Variants in NETO2 observed in about 807,000 individuals in gnomAD.
NETO2 encodes the protein neuropilin and tolloid like 2.
A neutral mutation model predicts 62.5 loss-of-function variants in NETO2; 28 were observed. That is an observed-to-expected ratio of 0.45 (90% CI 0.33 to 0.61). The LOEUF (loss-of-function observed/expected upper bound fraction) is 0.61. Ranked by LOEUF, NETO2 falls within the 20% of genes least tolerant of loss-of-function variation. The pLI, the probability that NETO2 is intolerant of heterozygous loss-of-function variation, is 0.02. For synonymous variants in NETO2, 214 were observed against 219.1 expected (o/e 0.98, Z 0.21); for missense variants, 548 against 643.2 (o/e 0.85, Z 1.60).
rs1409103091 is a variant in NETO2, at chr16:47,086,269, AC to A, written c.953del (p.Gly318ValfsTer50). The A allele has an allele frequency of 6.2e-7, 1 of 1,613,944 alleles. No individual in the cohort carries two copies. Among genetic ancestry groups the A allele is most frequent in the South Asian group, 1.1e-5 (1 of 91,080 alleles). On this transcript the variant is annotated frameshift_variant, in exon 8 of 9. Transcript: ENST00000562435. LOFTEE classifies it high-confidence loss of function. ...CCCAAGGGTATGCACAATTTTGGAC[AC>A]CATTACAGACTAAAGAATTATTGAT... ...MCINNSLVCN[G>X]VQNCAYPWDE...
chr16:47,106,325 T>G (rs1207940450), intron 7 of NETO2, among the ~76,000 whole-genome samples: 1 of 152,188 alleles, frequency 6.6e-6, no homozygotes, highest in African/African-American at 2.4e-5. Context: ...AGGAACTGTT[T>G]CATGGGTATA....
chr16:47,138,481 C>T (rs543430846), intron 1 of NETO2, among the ~76,000 whole-genome samples: 1 of 152,298 alleles, frequency 6.6e-6, no homozygotes, highest in East Asian at 1.9e-4. Context: ...CAACAATTCC[C>T]CTAAGTTGCA....
intron 6 of NETO2, among the ~76,000 whole-genome samples, chr16:47,120,065 T>TA (rs1292517605): frequency 4.0e-5 from 6 of 151,750 alleles, no homozygotes; most frequent in Admixed American, 6.6e-5. Flanking sequence ...TACTAAGAAG[T>TA]AAAAAAAAAT....
At chr16:47,095,646 A>G (rs747705459) in intron 7 of NETO2, among the ~76,000 whole-genome samples, 2 of 152,220 alleles carry the variant, frequency 1.3e-5, no homozygotes, top group Non-Finnish European at 2.9e-5. Context: ...AAAACAAAGG[A>G]GCCCTAAAAT....
intron 1 of NETO2, among the ~76,000 whole-genome samples, chr16:47,137,233 T>C (rs554711409): frequency 6.6e-6 from 1 of 152,310 alleles, no homozygotes; most frequent in South Asian, 2.1e-4. Context: ...TTAATGTGCA[T>C]CATAATCACC....
chr16:47,143,441 G>A lies in NETO2; in HGVS notation c.34+138C>T, dbSNP rs1236517756. The A allele has an allele frequency of 9.4e-6, 10 of 1,066,340 alleles. No individual in the cohort carries two copies. The African/African-American group carries it at 1.7e-4, about 18-fold the overall frequency. 66.1% of individuals were successfully genotyped at this position (1,066,340 alleles called of 1,614,324 possible). ...GGGCTCGCGCCCCGCGGTCCGCTCC[G>A]AGTAGCCGCGAGCCCCGCCAGACAA... On this transcript the variant is annotated intron_variant, in intron 1 of 8. Coordinates refer to ENST00000562435, the MANE Select transcript of NETO2 (RefSeq NM_018092.5).
chr16:47,109,795 G>A (rs1963754353), intron 6 of NETO2, 84 bp from the exon 7 acceptor site: 1 of 934,210 alleles, frequency 1.1e-6, no homozygotes, highest in East Asian at 2.6e-5. Context: ...AGACAACATG[G>A]GACACCGAAT....
At chr16:47,095,732 C>T (rs1963414438) in intron 7 of NETO2, among the ~76,000 whole-genome samples, 1 of 152,078 alleles carries the variant, frequency 6.6e-6, no homozygotes, top group Non-Finnish European at 1.5e-5. Flanking sequence ...TTCAACATTG[C>T]ACTTTCAATA....
At chr16:47,120,677 C>T (rs962583219) in intron 6 of NETO2, among the ~76,000 whole-genome samples, 6 of 152,214 alleles carry the variant, frequency 3.9e-5, no homozygotes. Flanking sequence ...AATGAACACT[C>T]TTAACACTAT....
chr16:47,084,343 A>G (rs974221901), intron 8 of NETO2, among the ~76,000 whole-genome samples: 5 of 152,226 alleles, frequency 3.3e-5, no homozygotes, highest in Admixed American at 1.3e-4. Flanking sequence ...TAAGATATTT[A>G]TTGAACTCTT....
intron 7 of NETO2, 38 bp from the exon 8 acceptor site, chr16:47,086,377 G>A (rs773193729): frequency 7.4e-7 from 1 of 1,353,860 alleles, no homozygotes; most frequent in African/African-American, 1.4e-5. Context: ...AGAGCAGGCA[G>A]ACCACCTGAT....
intron 7 of NETO2, among the ~76,000 whole-genome samples, chr16:47,088,486 T>C (rs1963244937): frequency 6.6e-6 from 1 of 152,224 alleles, no homozygotes; most frequent in Non-Finnish European, 1.5e-5. Context: ...GTACTTTTGA[T>C]TTTCAGAAAA....
intron 1 of NETO2, among the ~76,000 whole-genome samples, chr16:47,133,570 GTAACATAAAATAACA>G (rs1263112544): frequency 1.4e-5 from 2 of 143,336 alleles, no homozygotes; most frequent in African/African-American, 5.2e-5. Flanking sequence ...ATAACATAAA[GTAACATAAAATAACA>G]TAACATAAAA....
chr16:47,123,808 C>T (rs1370556838), intron 4 of NETO2, among the ~76,000 whole-genome samples: 2 of 152,196 alleles, frequency 1.3e-5, no homozygotes, highest in East Asian at 3.9e-4. Flanking sequence ...AGCAATTCTC[C>T]TGCCTCAGCC....
At position 47,143,799 on chromosome 16, in the gene NETO2, C is replaced by T. The variant is rs930447577; in HGVS notation, c.-187G>A. 8.9e-6 allele frequency: 7 copies of T among 786,048 alleles called. No homozygotes were observed. Among genetic ancestry groups the T allele is most frequent in the African/African-American group, 3.6e-5 (2 of 54,940 alleles). The allele number at this position is 786,048 out of a possible 1,614,324, so 48.7% of individuals were successfully genotyped here. Reference sequence around the variant, plus strand: ...ATGCCCGAGCCCCACAGTGGGCTCCCGCGCGGCCCGAGCACCCCGACGGGC... The same window carrying T: ...ATGCCCGAGCCCCACAGTGGGCTCCTGCGCGGCCCGAGCACCCCGACGGGC... On this transcript the variant is annotated 5_prime_UTR_variant, in exon 1 of 9. Coordinates refer to ENST00000562435, the MANE Select transcript of NETO2 (RefSeq NM_018092.5).
chr16:47,107,765 T>C (rs550986510), intron 7 of NETO2, among the ~76,000 whole-genome samples: 19 of 152,172 alleles, frequency 1.2e-4, no homozygotes, highest in Non-Finnish European at 2.5e-4. Context: ...AAAATAGTGT[T>C]AGTATCATAG....
intron 6 of NETO2, among the ~76,000 whole-genome samples, chr16:47,111,347 A>C (rs1413015833): frequency 6.6e-6 from 1 of 152,240 alleles, no homozygotes; most frequent in Non-Finnish European, 1.5e-5. Flanking sequence ...ATAAGGCTAT[A>C]GTAAATGCTC....
chr16:47,133,597 G>GACATA (rs1200031178), intron 1 of NETO2, among the ~76,000 whole-genome samples: 7 of 112,852 alleles, frequency 6.2e-5, no homozygotes, highest in Admixed American at 2.2e-4. Flanking sequence ...AACATAAAAT[G>GACATA]ACATAACATA....
intron 4 of NETO2, among the ~76,000 whole-genome samples, chr16:47,125,534 C>T (rs1346037784): frequency 1.3e-5 from 2 of 151,972 alleles, no homozygotes; most frequent in African/African-American, 2.4e-5. Context: ...TTAGTAGAGA[C>T]GGGGTTTTGC....
Sources: allele counts gnomAD v4.1 joint callset (sites outside exome capture counted in the v4.1 genomes callset), GRCh38; gene constraint gnomAD v4.1.1; transcripts MANE v1.5; gene names NCBI Gene and HGNC (gene_info 2026-07-23, HGNC 2026-07-21).